ARHGAP21: variants seen among roughly 807,000 people sequenced by gnomAD.
ARHGAP21 encodes the protein rho GTPase-activating protein 21.
ARHGAP21 carries 38 observed loss-of-function variants against 164.6 expected under a neutral mutation model. That is an observed-to-expected ratio of 0.23 (90% CI 0.18 to 0.30). ARHGAP21 has a LOEUF of 0.30. Ranked by LOEUF, ARHGAP21 falls within the 10% of genes least tolerant of loss-of-function variation. The probability of loss-of-function intolerance (pLI) is 1.00; values close to 1 mark genes in which losing one functional copy is unlikely to be tolerated. For synonymous variants in ARHGAP21, 766 were observed against 857.9 expected (o/e 0.89, Z 1.87); for missense variants, 1,822 against 2,370.7 (o/e 0.77, Z 4.81).
intron 2 of ARHGAP21, 121 bp downstream of exon 2, chr10:24,721,716 A>C: frequency 8.5e-7 from 1 of 1,174,312 alleles, no homozygotes; most frequent in South Asian, 1.3e-5. Context: ...CGCTCCCGCC[A>C]ACAGGCTCAA....
intron 2 of ARHGAP21, among the ~76,000 whole-genome samples, chr10:24,707,528 C>A (rs1844358667): frequency 6.6e-6 from 1 of 152,178 alleles, no homozygotes; most frequent in South Asian, 2.1e-4. Flanking sequence ...AGCTCCAAAT[C>A]TGCGTGACTA....
rs753437547 is a variant in ARHGAP21 at position 24,585,934 on chromosome 10, T to C, written c.4355A>G (p.Asn1452Ser). The change falls in exon 26 of 26, where the codon AAT becomes AGT. Residue 1452 changes from asparagine (N) to serine (S), a missense_variant. This residue lies in a region of ARHGAP21 where 333 missense variants were observed against 383.9 expected (regional missense o/e 0.87). Coordinates refer to ENST00000396432, the MANE Select transcript of ARHGAP21 (RefSeq NM_020824.4). ...TTTTTTGGACTCCTCTTTAGTATCA[T>C]TGTGACACTGTTCCACATTTTCTTT... Reference protein sequence around the residue: ...FKKENVEQCHNDTKEESKKES... With the variant: ...FKKENVEQCHSDTKEESKKES... 6.8e-6 allele frequency: 11 copies of C among 1,614,192 alleles called. 1 individual carries two copies. The South Asian group carries it at 1.2e-4, about 18-fold the overall frequency.
At chr10:24,629,645 A>G (rs1473490214) in intron 7 of ARHGAP21, 1 of 214,220 alleles carries the variant, frequency 4.7e-6, no homozygotes, top group East Asian at 1.4e-4. Flanking sequence ...GAAGGAAAAA[A>G]AAAAAGATTC....
chr10:24,678,707 T>C (rs1327416162), intron 2 of ARHGAP21, among the ~76,000 whole-genome samples: 2 of 152,092 alleles, frequency 1.3e-5, no homozygotes, highest in African/African-American at 4.8e-5. Flanking sequence ...TTTGTTTGTT[T>C]TTGTTTTTAG....
intron 7 of ARHGAP21, chr10:24,628,906 CACATATATACACAT>C (rs1835465186): frequency 1.6e-5 from 1 of 62,310 alleles, no homozygotes; most frequent in African/African-American, 5.6e-5. Flanking sequence ...TACATATATA[CACATATATACACAT>C]ATATATACAT....
At chr10:24,604,982 T>A (rs1041641082) in intron 11 of ARHGAP21, among the ~76,000 whole-genome samples, 12 of 152,226 alleles carry the variant, frequency 7.9e-5, no homozygotes, top group African/African-American at 2.9e-4. Flanking sequence ...AAACTTTTTT[T>A]AAACTCAAAA....
Position 24,628,816 on chromosome 10 carries a change from CAT to C in ARHGAP21, c.495+1178_495+1179del, listed in dbSNP as rs369980606. On this transcript the variant is annotated intron_variant, in intron 7 of 25. Coordinates refer to ENST00000396432, the MANE Select transcript of ARHGAP21 (RefSeq NM_020824.4). ...ATATACACATATATACATATATATACATATACACACATATATGTACATATATA... is the reference window on the plus strand; with the variant it reads ...ATATACACATATATACATATATATACATACACACATATATGTACATATATA... Among the ~76,000 whole-genome samples, 4 of 110,356 alleles carry C rather than the reference CAT, an allele frequency of 3.6e-5. No individual in the cohort carries two copies. In the East Asian group the frequency reaches 6.3e-4, roughly 17 times the overall value. The allele number at this position is 110,356 out of a possible 152,430, so 72.4% of individuals were successfully genotyped here. A position where few individuals can be genotyped will look rare whatever the true frequency, so the allele number is the denominator to read the frequency against.
chr10:24,595,816 T>C, intron 18 of ARHGAP21, 21 bp from the exon 19 acceptor site: 2 of 1,611,472 alleles, frequency 1.2e-6, no homozygotes, highest in South Asian at 1.1e-5. Context: ...AAAATAGAAA[T>C]ATAGTATTTT....
chr10:24,656,410 C>T (rs1394939396), intron 4 of ARHGAP21, among the ~76,000 whole-genome samples: 3 of 94,782 alleles, frequency 3.2e-5, no homozygotes, highest in African/African-American at 4.6e-5. Context: ...GCCCTCCGCC[C>T]GGCCAGCCGC....
At chr10:24,683,015 G>C (rs1841916674) in intron 2 of ARHGAP21, among the ~76,000 whole-genome samples, 1 of 149,410 alleles carries the variant, frequency 6.7e-6, no homozygotes, top group Non-Finnish European at 1.5e-5. Flanking sequence ...AGAATGGCGT[G>C]AACCCGGGAG....
rs768418186 is a variant in ARHGAP21 at position 24,705,911 on chromosome 10, C to T, written c.63+15926G>A. ...AAGGTCTGATAATAACAATGTTGAT[C>T]GAGGGATAAAGGGAAAAATAAGAGC... is the stretch of plus-strand genomic sequence containing the variant. On this transcript the variant is annotated intron_variant, in intron 2 of 25. Transcript: ENST00000396432. Among the ~76,000 whole-genome samples, 6 of 152,012 alleles carry T rather than the reference C, an allele frequency of 3.9e-5. No individual in the cohort carries two copies. In the South Asian group the frequency reaches 1.2e-3, roughly 31 times the overall value.
intron 9 of ARHGAP21, among the ~76,000 whole-genome samples, chr10:24,611,075 G>C (rs1593015180): frequency 6.6e-6 from 1 of 152,176 alleles, no homozygotes; most frequent in East Asian, 1.9e-4. Flanking sequence ...ACTACAGAGA[G>C]TGTCTATGCT....
rs75063216 is a variant in ARHGAP21, at chr10:24,637,313, T to C, written c.269-2210A>G. Among the ~76,000 whole-genome samples, 490 of 152,350 alleles carry C rather than the reference T, an allele frequency of 3.2e-3. 3 individuals carry two copies. Among genetic ancestry groups the C allele is most frequent in the Non-Finnish European group, 5.2e-3 (355 of 68,036 alleles). On this transcript the variant is annotated intron_variant, in intron 4 of 25. Transcript: ENST00000396432. The stretch of plus-strand genomic sequence containing the variant: ...ATGCAAACGCTGAATTCCTATCAAG[T>C]TGGTGATCAGGTTAGGTCAGTCTGT...
intron 4 of ARHGAP21, among the ~76,000 whole-genome samples, chr10:24,665,283 A>T (rs1840079048): frequency 6.6e-6 from 1 of 151,134 alleles, no homozygotes; most frequent in South Asian, 2.1e-4. Flanking sequence ...CTGGCCTTAC[A>T]CCTTCAGATT....
chr10:24,656,227 C>A (rs1250627116), intron 4 of ARHGAP21, among the ~76,000 whole-genome samples: 1 of 133,948 alleles, frequency 7.5e-6, no homozygotes, highest in Non-Finnish European at 1.6e-5. Flanking sequence ...GGGTCATCCC[C>A]CCGCCCGGCC....
At chr10:24,651,406 C>T (rs1838149212) in intron 4 of ARHGAP21, among the ~76,000 whole-genome samples, 1 of 152,194 alleles carries the variant, frequency 6.6e-6, no homozygotes, top group African/African-American at 2.4e-5. Flanking sequence ...CCCCTGTCCT[C>T]TCTTGCTTTC....
chr10:24,615,599 GCAATCGGC>G (rs1216393530), intron 9 of ARHGAP21, among the ~76,000 whole-genome samples: 2 of 152,120 alleles, frequency 1.3e-5, no homozygotes, highest in Non-Finnish European at 2.9e-5. Flanking sequence ...CAGCCAACAG[GCAATCGGC>G]TCTGTCAGTT....
intron 2 of ARHGAP21, among the ~76,000 whole-genome samples, chr10:24,702,528 CCTCT>C (rs762081342): frequency 5.3e-5 from 8 of 152,108 alleles, no homozygotes; most frequent in Non-Finnish European, 1.0e-4. Context: ...AGAACAATCA[CCTCT>C]CTAAGATCTT....
chr10:24,657,233 G>A (rs1301865728), intron 4 of ARHGAP21, among the ~76,000 whole-genome samples: 2 of 28,000 alleles, frequency 7.1e-5, no homozygotes, highest in South Asian at 1.5e-3. Flanking sequence ...CAGCCGCCCC[G>A]TCAGGGAGGG....
Sources: gnomAD v4.1 joint callset for allele counts (sites outside exome capture counted in the v4.1 genomes callset) on GRCh38, gnomAD v4.1.1 for gene constraint, gnomAD v4.1.1 regional missense constraint, MANE v1.5 for transcripts, NCBI Gene and HGNC (gene_info 2026-07-23, HGNC 2026-07-21) for gene names.